SOX5: variants seen among roughly 807,000 people sequenced by gnomAD.
The protein encoded by SOX5 is SRY-box transcription factor 5.
In SOX5, 9 loss-of-function variants were observed where a neutral mutation model predicts 92.0. The ratio of observed to expected loss-of-function variants is 0.10; its 90% confidence interval spans 0.06 to 0.17. The LOEUF is 0.17. Among genes scored for constraint, SOX5 ranks in the 10% least tolerant of loss-of-function variants. The pLI is 1.00. For missense variants in SOX5, 642 were observed against 944.5 expected, an observed-to-expected ratio of 0.68 and a Z score of 4.20; for synonymous variants, 344 against 336.3, an observed-to-expected ratio of 1.02 and a Z score of -0.25.
intron 8 of SOX5, among the ~76,000 whole-genome samples, chr12:23,607,036 G>T (rs2137601973): frequency 6.6e-6 from 1 of 152,246 alleles, no homozygotes; most frequent in African/African-American, 2.4e-5. Flanking sequence ...ACATTAGGTT[G>T]CTCTTCTCTC....
chr12:23,703,779 C>T (rs1046605946), intron 6 of SOX5, among the ~76,000 whole-genome samples: 9 of 151,202 alleles, frequency 6.0e-5, no homozygotes, highest in Admixed American at 2.0e-4. Context: ...TTGAGAAATA[C>T]ATCAAAAAAG....
chr12:23,918,838 AC>A (rs1306686775), intron 1 of SOX5, among the ~76,000 whole-genome samples: 1 of 139,746 alleles, frequency 7.2e-6, no homozygotes, highest in Non-Finnish European at 1.6e-5. Context: ...AATCACTGGA[AC>A]CCGGGAGGTG....
chr12:24,556,089 C>A (rs1195126203), intron 1 of SOX5, among the ~76,000 whole-genome samples: 1 of 151,732 alleles, frequency 6.6e-6, no homozygotes, highest in Non-Finnish European at 1.5e-5. Context: ...CTTCTTCCTA[C>A]TCAATCGTCT....
intron 4 of SOX5, among the ~76,000 whole-genome samples, chr12:24,037,830 A>G (rs1956188961): frequency 6.6e-6 from 1 of 152,100 alleles, no homozygotes; most frequent in Non-Finnish European, 1.5e-5. Context: ...TTACAACACC[A>G]CTTCCCCACT....
chr12:24,162,690 T>C (rs571576532), intron 4 of SOX5, among the ~76,000 whole-genome samples: 16 of 152,296 alleles, frequency 1.1e-4, no homozygotes, highest in African/African-American at 3.8e-4. Flanking sequence ...ACTTGGTCCA[T>C]GTAAAGGACA....
intron 2 of SOX5, among the ~76,000 whole-genome samples, chr12:23,870,554 G>A (rs1479686903): frequency 2.0e-5 from 3 of 151,988 alleles, no homozygotes; most frequent in African/African-American, 7.2e-5. Flanking sequence ...AGTAATGTTA[G>A]GCTATACCAG....
At chr12:24,524,373 A>G (rs1950516405) in intron 1 of SOX5, among the ~76,000 whole-genome samples, 1 of 151,770 alleles carries the variant, frequency 6.6e-6, no homozygotes, top group South Asian at 2.1e-4. Flanking sequence ...CTATCTATCT[A>G]TCTATCTATC....
At chr12:23,866,679 A>T (rs16926804) in intron 2 of SOX5, among the ~76,000 whole-genome samples, 73,026 of 152,004 alleles carry the variant, frequency 0.48, 17,569 homozygotes, top group East Asian at 0.55. Flanking sequence ...TACATTTGAG[A>T]CTACTGAACA....
intron 2 of SOX5, among the ~76,000 whole-genome samples, chr12:24,292,991 T>C (rs1376405056): frequency 6.6e-6 from 1 of 152,176 alleles, no homozygotes; most frequent in East Asian, 1.9e-4. Flanking sequence ...TGGCTACTAA[T>C]AACATATCCA....
At chr12:23,713,643 G>GTC (rs996302243) in intron 6 of SOX5, among the ~76,000 whole-genome samples, 1 of 146,794 alleles carries the variant, frequency 6.8e-6, no homozygotes, top group East Asian at 2.0e-4. Context: ...ATTCTCCAGT[G>GTC]TCTCTGTGTG....
intron 2 of SOX5, among the ~76,000 whole-genome samples, chr12:24,310,220 C>T (rs1949039972): frequency 6.6e-6 from 1 of 152,156 alleles, no homozygotes; most frequent in Non-Finnish European, 1.5e-5. Flanking sequence ...ACTTGTGTCA[C>T]TTTGGTTTCT....
At chr12:23,716,330 G>A (rs74911242) in intron 6 of SOX5, among the ~76,000 whole-genome samples, 1,798 of 152,230 alleles carry the variant, frequency 0.012, 28 homozygotes, top group African/African-American at 0.041. Context: ...GATTTTGTCA[G>A]AAAACAGGCT....
intron 9 of SOX5, among the ~76,000 whole-genome samples, chr12:23,583,549 A>G (rs1436439386): frequency 6.6e-6 from 1 of 152,098 alleles, no homozygotes; most frequent in African/African-American, 2.4e-5. Flanking sequence ...GACAACTTCA[A>G]ATTCCTAATA....
intron 3 of SOX5, among the ~76,000 whole-genome samples, chr12:23,771,087 C>T (rs1023420336): frequency 1.3e-5 from 2 of 149,996 alleles, no homozygotes; most frequent in East Asian, 2.0e-4. Flanking sequence ...TCATACATAT[C>T]GTATTCTAAT....
At chr12:23,713,750 C>T (rs1224485891) in intron 6 of SOX5, among the ~76,000 whole-genome samples, 5 of 144,078 alleles carry the variant, frequency 3.5e-5, no homozygotes, top group Admixed American at 7.0e-5. Context: ...CATATATATG[C>T]GTGTGTGTAT....
At position 23,996,700 on chromosome 12, in the gene SOX5, CAT is replaced by C. The variant is rs1333109776; in HGVS notation, c.-1-100678_-1-100677del. 5.9e-5 allele frequency among the ~76,000 whole-genome samples: 9 copies of C among 152,248 alleles called. No individual in the cohort carries two copies. In the South Asian group the frequency reaches 8.3e-4, roughly 14 times the overall value. ...AAAGCACTATGCTAAGTGAAAGAAA[CAT>C]GTGATGCAAAGATGTCCTATGAATT... On this transcript the variant is annotated intron_variant, in intron 4 of 4. Transcript: ENST00000446891.
chr12:23,981,498 A>C (rs1322129366), intron 4 of SOX5, among the ~76,000 whole-genome samples: 1 of 152,234 alleles, frequency 6.6e-6, no homozygotes, highest in East Asian at 1.9e-4. Context: ...AACTGCCAGG[A>C]ATAATGAGCA....
chr12:23,773,806 A>AAG (rs1428557539), intron 3 of SOX5, among the ~76,000 whole-genome samples: 1 of 152,208 alleles, frequency 6.6e-6, no homozygotes, highest in Admixed American at 6.5e-5. Flanking sequence ...CCTAAAATGC[A>AAG]ATGCAAAGTA....
At chr12:24,051,647 C>T (rs1256415693) in intron 4 of SOX5, among the ~76,000 whole-genome samples, 1 of 152,104 alleles carries the variant, frequency 6.6e-6, no homozygotes, top group Non-Finnish European at 1.5e-5. Context: ...CCAAGTGTTC[C>T]AGGTTTGTTT....
Sources: gnomAD v4.1 joint callset for allele counts (sites outside exome capture counted in the v4.1 genomes callset) on GRCh38, gnomAD v4.1.1 for gene constraint, MANE v1.5 for transcripts, NCBI Gene and HGNC (gene_info 2026-07-23, HGNC 2026-07-21) for gene names.